The following SLC35F3 variants were observed in gnomAD, a reference collection of about 807,000 sequenced individuals.
SLC35F3 encodes putative thiamine transporter SLC35F3.
A neutral mutation model predicts 49.9 loss-of-function variants in SLC35F3; 25 were observed. That is an observed-to-expected ratio of 0.50 (90% CI 0.37 to 0.70). The LOEUF (loss-of-function observed/expected upper bound fraction) is 0.70. SLC35F3 is among the 30% of genes least tolerant of loss of function. The pLI is 0.00. For synonymous variants in SLC35F3, 275 were observed against 265.4 expected (o/e 1.04, Z -0.35); for missense variants, 525 against 639.8 (o/e 0.82, Z 1.94).
At chr1:234,175,839 A>G (rs1276579953) in intron 2 of SLC35F3, among the ~76,000 whole-genome samples, 1 of 152,166 alleles carries the variant, frequency 6.6e-6, no homozygotes, top group Admixed American at 6.5e-5. Context: ...GGTTCCCAGT[A>G]GGATGGCCAG....
chr1:234,232,893 T>G (rs552769294), intron 3 of SLC35F3, among the ~76,000 whole-genome samples: 1 of 152,312 alleles, frequency 6.6e-6, no homozygotes, highest in East Asian at 1.9e-4. Flanking sequence ...GTGATACTTT[T>G]TTAATGTTCA....
At chr1:233,908,622 A>G (rs1661814752) in intron 2 of SLC35F3, among the ~76,000 whole-genome samples, 1 of 146,446 alleles carries the variant, frequency 6.8e-6, no homozygotes, top group Non-Finnish European at 1.5e-5. Flanking sequence ...GCTCACTGCA[A>G]CTTCCACCTC....
intron 7 of SLC35F3, 29 bp from the exon 8 acceptor site, chr1:234,322,979 G>A: frequency 6.2e-7 from 1 of 1,604,224 alleles, no homozygotes. Context: ...CCCTGCAGCT[G>A]AGAAACCTCC....
At chr1:234,081,301 C>T (rs1664872173) in intron 2 of SLC35F3, among the ~76,000 whole-genome samples, 1 of 152,252 alleles carries the variant, frequency 6.6e-6, no homozygotes, top group South Asian at 2.1e-4. Context: ...GTTAGATCCT[C>T]ACGCAACTCA....
At chr1:234,079,899 G>A (rs1664849240) in intron 2 of SLC35F3, among the ~76,000 whole-genome samples, 1 of 152,190 alleles carries the variant, frequency 6.6e-6, no homozygotes, top group African/African-American at 2.4e-5. Context: ...TTTGGCTTTT[G>A]TCTCTGGTTT....
At chr1:234,050,385 C>A (rs1377573909) in intron 2 of SLC35F3, among the ~76,000 whole-genome samples, 1 of 152,164 alleles carries the variant, frequency 6.6e-6, no homozygotes, top group Non-Finnish European at 1.5e-5. Flanking sequence ...TCTCTGATGA[C>A]CAGTGATGAT....
intron 2 of SLC35F3, among the ~76,000 whole-genome samples, chr1:234,084,818 A>G (rs1191176241): frequency 1.3e-5 from 2 of 151,412 alleles, no homozygotes; most frequent in East Asian, 4.0e-4. Context: ...GACTGGATGT[A>G]TTGTAGTATC....
At chr1:233,933,771 G>A (rs1225940071) in intron 2 of SLC35F3, among the ~76,000 whole-genome samples, 2 of 152,194 alleles carry the variant, frequency 1.3e-5, no homozygotes, top group African/African-American at 4.8e-5. Context: ...AACCTGGAAG[G>A]CGTAGGCGTA....
chr1:234,051,044 G>T lies in SLC35F3; in HGVS notation c.283+145286G>T, dbSNP rs544364518. Among the ~76,000 whole-genome samples, 8 of 152,138 alleles carry T rather than the reference G, an allele frequency of 5.3e-5. No homozygotes were observed. In the South Asian group the frequency reaches 1.5e-3, roughly 28 times the overall value. On this transcript the variant is annotated intron_variant, in intron 2 of 7. Transcript: ENST00000366618. The stretch of plus-strand genomic sequence containing the variant: ...CATGTTGTTTTGGTTACTGTAGCCT[G>T]GTAGTATAGTTTGAAGTCAGGTAGC...
Position 234,221,744 on chromosome 1 carries a change from C to T in SLC35F3, c.284-9673C>T, listed in dbSNP as rs568856469. ...AAGAACACTGGATGAGGTGTCAGGA[C>T]ATTCAAGTGTCATTTTCTGCTCCTC... On this transcript the variant is annotated intron_variant, in intron 2 of 7. Transcript: ENST00000366618. Among the ~76,000 whole-genome samples the T allele has an allele frequency of 4.6e-5, 7 of 152,308 alleles. No homozygotes were observed. In the East Asian group the frequency reaches 1.4e-3, roughly 29 times the overall value.
At chr1:234,254,668 G>A (rs960535752) in intron 3 of SLC35F3, among the ~76,000 whole-genome samples, 1 of 152,156 alleles carries the variant, frequency 6.6e-6, no homozygotes, top group African/African-American at 2.4e-5. Context: ...AATTATTTTG[G>A]AAGATCATTT....
intron 2 of SLC35F3, among the ~76,000 whole-genome samples, chr1:234,118,137 G>A (rs1486791984): frequency 2.0e-5 from 3 of 151,764 alleles, no homozygotes; most frequent in African/African-American, 7.3e-5. Context: ...TCTAGACTTC[G>A]GAAGACAAAA....
At chr1:234,102,111 G>A (rs1440877627) in intron 2 of SLC35F3, among the ~76,000 whole-genome samples, 1 of 152,178 alleles carries the variant, frequency 6.6e-6, no homozygotes, top group African/African-American at 2.4e-5. Flanking sequence ...CACTACCCAT[G>A]GTCACGTAGA....
intron 2 of SLC35F3, among the ~76,000 whole-genome samples, chr1:234,224,301 A>C (rs1667254506): frequency 6.6e-6 from 1 of 152,194 alleles, no homozygotes. Context: ...CCCTGGGCTC[A>C]AGCAATCCAC....
chr1:234,307,095 G>A (rs1490621047), intron 3 of SLC35F3, among the ~76,000 whole-genome samples: 2 of 152,182 alleles, frequency 1.3e-5, no homozygotes, highest in African/African-American at 4.8e-5. Context: ...CACTGCCCCT[G>A]GGGGAACAGA....
intron 2 of SLC35F3, among the ~76,000 whole-genome samples, chr1:233,987,800 C>T (rs963290611): frequency 6.6e-6 from 1 of 152,110 alleles, no homozygotes; most frequent in African/African-American, 2.4e-5. Flanking sequence ...TATATTTGAT[C>T]TCATATTTTC....
intron 2 of SLC35F3, among the ~76,000 whole-genome samples, chr1:233,960,819 A>G (rs773914806): frequency 1.3e-5 from 2 of 152,100 alleles, no homozygotes; most frequent in Non-Finnish European, 2.9e-5. Flanking sequence ...ACAAGCTGTA[A>G]GTTCTTTCGA....
chr1:234,216,107 G>T (rs1037261389), intron 2 of SLC35F3, among the ~76,000 whole-genome samples: 1 of 152,186 alleles, frequency 6.6e-6, no homozygotes, highest in African/African-American at 2.4e-5. Context: ...TCTTCCAGGG[G>T]TGTTTGTATT....
intron 2 of SLC35F3, among the ~76,000 whole-genome samples, chr1:233,964,596 T>C (rs1343822543): frequency 1.3e-5 from 2 of 152,210 alleles, no homozygotes. Flanking sequence ...AGACTGTTCA[T>C]GTGTCGCGAA....
Sources: gnomAD v4.1 joint callset for allele counts (sites outside exome capture counted in the v4.1 genomes callset) on GRCh38, gnomAD v4.1.1 for gene constraint, MANE v1.5 for transcripts, NCBI Gene and HGNC (gene_info 2026-07-23, HGNC 2026-07-21) for gene names.